Variants in DPEP1 observed in about 807,000 individuals in gnomAD.
The protein encoded by DPEP1 is beta-lactamase.
Under a neutral mutation model 42.3 loss-of-function variants are expected in DPEP1, and 50 were observed. The ratio of observed to expected loss-of-function variants is 1.18; its 90% CI spans 0.94 to 1.50. The LOEUF is 1.50. DPEP1 is among the 40% of genes most tolerant of loss of function. DPEP1 has a pLI of 0.00. For synonymous variants in DPEP1, 297 were observed against 234.0 expected (o/e 1.27, Z -2.46); for missense variants, 663 against 553.0 (o/e 1.20, Z -1.99).
In DPEP1 at chr16:89,630,474, G is replaced by A. The variant is rs138170376; in HGVS notation, c.64G>A (p.Glu22Lys). 29 of 1,609,486 alleles carry A rather than the reference G, an allele frequency of 1.8e-5. No individual in the cohort carries two copies. Among genetic ancestry groups the A allele is most frequent in the African/African-American group, 1.5e-4 (11 of 74,124 alleles). The change falls in exon 2 of 11, where the codon GAG (glutamate) becomes AAG (lysine). Residue 22 changes from glutamate to lysine, a missense_variant. Glu to Lys is a moderately conservative substitution (Grantham distance 56). Coordinates refer to ENST00000690203, the MANE Select transcript of DPEP1 (RefSeq NM_001389466.1). ...CTGCACTGCAGACTTCTTTCGGGAC[G>A]AGGCAGAGAGGATCATGAGGGACTC... ...AVCTADFFRD[E>K]AERIMRDSPV...
chr16:89,636,706 C>T (rs369823056), intron 5 of DPEP1, 23 bp downstream of exon 5: 81 of 1,610,524 alleles, frequency 5.0e-5, no homozygotes, highest in Middle Eastern at 3.3e-4. Context: ...CCATGGGAGG[C>T]CCCCGGGCTG....
rs779939491 is a variant in DPEP1, at chr16:89,636,042, T to A, written c.237+2T>A. Reference sequence around the variant, plus strand: ...AGGGCCGGCTTTGTGGGAGGCCAGGTACCGCCTGCCCTGCCTTGTGCTTGC... The same window carrying A: ...AGGGCCGGCTTTGTGGGAGGCCAGGAACCGCCTGCCCTGCCTTGTGCTTGC... On this transcript the variant is annotated splice_donor_variant, in intron 3 of 10. Transcript: ENST00000690203. LOFTEE classifies it high-confidence loss of function. The A allele has an allele frequency of 7.6e-5, 122 of 1,605,412 alleles. No individual in the cohort carries two copies. Among genetic ancestry groups the A allele is most frequent in the Non-Finnish European group, 1.0e-4 (118 of 1,176,296 alleles).
At position 89,636,022 on chromosome 16, in the gene DPEP1, C is replaced by G. The variant is rs368310414; in HGVS notation, c.219C>G (p.Ala73=). The G allele has an allele frequency of 6.2e-7, 1 of 1,610,418 alleles. No homozygotes were observed. The highest frequency in any genetic ancestry group is 1.1e-5 in the South Asian group (1 of 90,752). The change falls in exon 3 of 11, where the codon GCC becomes GCG. Residue 73 remains alanine, a synonymous_variant. Transcript: ENST00000690203. The part of the protein sequence containing the change: ...GTHTNIPKLR[A]GFVGGQFWSV... The stretch of plus-strand genomic sequence containing the variant: ...ACACCAACATCCCCAAGCTGAGGGC[C>G]GGCTTTGTGGGAGGCCAGGTACCGC...
chr16:89,634,828 CT>C (rs761397707), intron 2 of DPEP1, among the ~76,000 whole-genome samples: 5 of 52,162 alleles, frequency 9.6e-5, no homozygotes, highest in African/African-American at 2.6e-4. Flanking sequence ...CCCCTTCCTT[CT>C]CCTTTCCCTT....
At chr16:89,633,989 T>A (rs2059624793) in intron 2 of DPEP1, among the ~76,000 whole-genome samples, 1 of 151,974 alleles carries the variant, frequency 6.6e-6, no homozygotes, top group African/African-American at 2.4e-5. Flanking sequence ...CCCCTTCCCA[T>A]CCTCCTCACA....
At position 89,637,570 on chromosome 16, in the gene DPEP1, G is replaced by A. The variant is rs373979298; in HGVS notation, c.853+18G>A. 2.0e-4 allele frequency: 317 copies of A among 1,612,718 alleles called. No individual in the cohort carries two copies. The highest frequency in any genetic ancestry group is 2.4e-4 in the Non-Finnish European group (285 of 1,179,992). On this transcript the variant is annotated intron_variant, in intron 8 of 10. Coordinates refer to ENST00000690203, the MANE Select transcript of DPEP1 (RefSeq NM_001389466.1). ...AGTGGCCGGTAGGTGGGGTGTGAGC[G>A]GCCAAGGGGGCCGAAGGGGGAGGGC...
intron 1 of DPEP1, among the ~76,000 whole-genome samples, chr16:89,618,910 G>C (rs1567979742): frequency 6.7e-6 from 1 of 150,158 alleles, no homozygotes; most frequent in Non-Finnish European, 1.5e-5. Context: ...CCGGAGGGTT[G>C]CCCTCCCTGC....
chr16:89,635,609 C>T (rs557782738), intron 2 of DPEP1, among the ~76,000 whole-genome samples: 2 of 152,334 alleles, frequency 1.3e-5, no homozygotes, highest in Admixed American at 6.5e-5. Context: ...CACCCTCAGA[C>T]AATGTGTCTG....
In DPEP1 at chr16:89,636,899, C is replaced by A. The variant is rs763369214; in HGVS notation, c.555C>A (p.Ser185Arg). The change falls in exon 6 of 11, where the codon AGC becomes AGA. Residue 185 changes from serine (S) to arginine (R), a missense_variant. Coordinates refer to ENST00000690203, the MANE Select transcript of DPEP1 (RefSeq NM_001389466.1). ...ACTGGCTGGTGGACACGGGAGACAG[C>A]GAGCCCCAGAGCCAAGGCTTGTCAC... is the stretch of plus-strand genomic sequence containing the variant. Reference protein sequence around the residue: ...ADNWLVDTGDSEPQSQGLSPF... With the variant: ...ADNWLVDTGDREPQSQGLSPF... 2 of 1,612,354 alleles carry A rather than the reference C, an allele frequency of 1.2e-6. No homozygotes were observed. Among genetic ancestry groups the A allele is most frequent in the Middle Eastern group, 1.7e-4 (1 of 6,036 alleles).
At chr16:89,638,801 A>C (rs1037360488), downstream of DPEP1, among the ~76,000 whole-genome samples, 17 of 7,296 alleles carry the variant, frequency 2.3e-3, no homozygotes, top group East Asian at 8.2e-3. Flanking sequence ...CACACCCCCC[A>C]CCCCTGCACA....
chr16:89,627,345 G>C (rs1428583581), intron 1 of DPEP1, among the ~76,000 whole-genome samples: 1 of 151,658 alleles, frequency 6.6e-6, no homozygotes, highest in Non-Finnish European at 1.5e-5. Context: ...CACTGTGGGA[G>C]GCCGAGGAGG....
chr16:89,613,439 CCCT>C (rs1233510055), upstream of DPEP1: 4 of 145,076 alleles, frequency 2.8e-5, no homozygotes, highest in African/African-American at 1.0e-4. Flanking sequence ...GAGCAAAGTT[CCCT>C]CCTCCTCTCT....
intron 1 of DPEP1, among the ~76,000 whole-genome samples, chr16:89,618,520 C>T (rs2059404797): frequency 1.3e-5 from 2 of 152,130 alleles, no homozygotes; most frequent in African/African-American, 4.8e-5. Context: ...GTCTGGCCTA[C>T]ATTATTTATT....
intron 1 of DPEP1, among the ~76,000 whole-genome samples, chr16:89,627,791 C>T (rs1361317907): frequency 6.8e-6 from 1 of 147,208 alleles, no homozygotes; most frequent in Admixed American, 6.9e-5. Flanking sequence ...CTCCAAGTAG[C>T]TGGGATTACG....
At chr16:89,626,658 A>G (rs939282520) in intron 1 of DPEP1, among the ~76,000 whole-genome samples, 1 of 151,818 alleles carries the variant, frequency 6.6e-6, no homozygotes, top group African/African-American at 2.4e-5. Context: ...CCAGCCTAAG[A>G]TCTGGTTTTT....
At chr16:89,640,788 G>A (rs1031931370), downstream of DPEP1, among the ~76,000 whole-genome samples, 9 of 152,090 alleles carry the variant, frequency 5.9e-5, no homozygotes, top group Non-Finnish European at 1.3e-4. Context: ...GTACGGAGAC[G>A]AGCGATCATA....
intron 2 of DPEP1, among the ~76,000 whole-genome samples, chr16:89,635,577 G>A (rs2059666148): frequency 6.6e-6 from 1 of 152,198 alleles, no homozygotes; most frequent in African/African-American, 2.4e-5. Context: ...TGTCCACTGA[G>A]GTCATTTGGC....
chr16:89,637,847 G>A lies in DPEP1; in HGVS notation c.941G>A (p.Gly314Glu). ...TGGCCTCAACACAGGGTCCCTGAGG[G>A]GCTGGAGGACGTCTCCAAGTATCCA... ...DFDGVPRVPEGLEDVSKYPDL... is the reference protein window; with the variant it reads ...DFDGVPRVPEELEDVSKYPDL... The change falls in exon 10 of 11, where the codon GGG becomes GAG. Residue 314 changes from glycine (G) to glutamate (E), a missense_variant. Physicochemically the swap from Gly to Glu is moderately conservative, Grantham distance 98. Coordinates refer to ENST00000690203, the MANE Select transcript of DPEP1 (RefSeq NM_001389466.1). The A allele has an allele frequency of 6.2e-7, 1 of 1,612,780 alleles. No homozygotes were observed. Among genetic ancestry groups the A allele is most frequent in the Non-Finnish European group, 8.5e-7 (1 of 1,179,914 alleles).
At chr16:89,640,571 C>CATTCT (rs1567996156), downstream of DPEP1, 5 of 984,906 alleles carry the variant, frequency 5.1e-6, no homozygotes, top group East Asian at 3.4e-4. Context: ...TATCAATAAT[C>CATTCT]GTTCTGTCTG....
Sources: allele counts gnomAD v4.1 joint callset (sites outside exome capture counted in the v4.1 genomes callset), GRCh38; gene constraint gnomAD v4.1.1; transcripts MANE v1.5; gene names NCBI Gene and HGNC (gene_info 2026-07-23, HGNC 2026-07-21).